Variants in WBP1L observed in about 807,000 individuals in gnomAD.
WBP1L encodes WW domain binding protein 1 like, also known as WW domain binding protein 1-like.
WBP1L carries 17 observed loss-of-function variants against 33.7 expected under a neutral mutation model. The observed-to-expected ratio is 0.50, with a 90% CI of 0.34 to 0.76. The LOEUF is 0.76. Ranked by LOEUF, WBP1L falls within the 30% of genes least tolerant of loss-of-function variation. WBP1L has a pLI of 0.01. For synonymous variants in WBP1L, 173 were observed against 190.8 expected, an observed-to-expected ratio of 0.91 and a Z score of 0.77; for missense variants, 389 against 469.4, an observed-to-expected ratio of 0.83 and a Z score of 1.58.
chr10:102,747,678 C>T (rs1178670754), intron 1 of WBP1L, among the ~76,000 whole-genome samples: 1 of 151,948 alleles, frequency 6.6e-6, no homozygotes, highest in African/African-American at 2.4e-5. Context: ...AGGTGCATGC[C>T]ACCACGCCCT....
At chr10:102,784,341 C>T (rs1294036345) in intron 1 of WBP1L, among the ~76,000 whole-genome samples, 3 of 152,002 alleles carry the variant, frequency 2.0e-5, no homozygotes, top group African/African-American at 7.2e-5. Flanking sequence ...AACACCCCCA[C>T]TCCCCCAAGG....
intron 1 of WBP1L, among the ~76,000 whole-genome samples, chr10:102,784,560 G>A (rs1225928459): frequency 6.6e-6 from 1 of 151,462 alleles, no homozygotes; most frequent in Non-Finnish European, 1.5e-5. Flanking sequence ...CAAGTAGCTG[G>A]GACTACAGGC....
intron 1 of WBP1L, among the ~76,000 whole-genome samples, chr10:102,751,810 G>T (rs1785510680): frequency 6.6e-6 from 1 of 152,126 alleles, no homozygotes; most frequent in Admixed American, 6.6e-5. Flanking sequence ...ACCTCTTTGT[G>T]CCTCAGCTTC....
chr10:102,746,599 T>G (rs1017651237), intron 1 of WBP1L, among the ~76,000 whole-genome samples: 1 of 65,428 alleles, frequency 1.5e-5, no homozygotes, highest in Non-Finnish European at 3.4e-5. Context: ...TGTATTTTTT[T>G]GGGTTTTTTT....
chr10:102,756,139 G>A lies in WBP1L; in HGVS notation c.90+11996G>A, dbSNP rs966008139. 4.4e-4 allele frequency among the ~76,000 whole-genome samples: 67 copies of A among 151,844 alleles called. 1 individual carries two copies. The highest frequency in any genetic ancestry group is 4.0e-3 in the Admixed American group (61 of 15,210). On this transcript the variant is annotated intron_variant, in intron 1 of 3. Coordinates refer to ENST00000448841, the MANE Select transcript of WBP1L (RefSeq NM_001083913.2). ...TTTAAAAACAAAAATGTGGCCGTGC[G>A]TGGTGGCTCATGCCTGTAATCCCAG...
intron 1 of WBP1L, among the ~76,000 whole-genome samples, chr10:102,791,626 C>T (rs899167350): frequency 6.6e-6 from 1 of 152,170 alleles, no homozygotes; most frequent in Non-Finnish European, 1.5e-5. Flanking sequence ...TGAGGAGACC[C>T]TGTCTCTATT....
chr10:102,812,257 G>T (rs1843852251), intron 3 of WBP1L, among the ~76,000 whole-genome samples: 1 of 152,238 alleles, frequency 6.6e-6, no homozygotes, highest in Non-Finnish European at 1.5e-5. Context: ...GCATGTGGAA[G>T]TGGGTCCATT....
intron 1 of WBP1L, among the ~76,000 whole-genome samples, chr10:102,791,012 T>TACTG (rs1843489534): frequency 6.6e-6 from 1 of 152,214 alleles, no homozygotes; most frequent in East Asian, 1.9e-4. Flanking sequence ...TTAGAGGAGA[T>TACTG]ACTGTTTTCC....
chr10:102,761,121 GTTTT>G (rs111654669), intron 1 of WBP1L, among the ~76,000 whole-genome samples: 90 of 134,110 alleles, frequency 6.7e-4, no homozygotes, highest in African/African-American at 2.1e-3. Flanking sequence ...TGGCCAGGCT[GTTTT>G]TTTTTTTTTT....
intron 1 of WBP1L, among the ~76,000 whole-genome samples, chr10:102,748,674 A>G (rs147890322): frequency 1.7e-3 from 257 of 152,292 alleles, no homozygotes; most frequent in Admixed American, 6.1e-3. Context: ...GGAACCATCA[A>G]ATGAGTATGG....
At chr10:102,773,751 T>TGTGGTGGC (rs1414634378) in intron 1 of WBP1L, among the ~76,000 whole-genome samples, 1 of 150,724 alleles carries the variant, frequency 6.6e-6, no homozygotes, top group Admixed American at 6.6e-5. Context: ...CTTAGCTGAG[T>TGTGGTGGC]GTGGTGGCGT....
chr10:102,793,430 G>A (rs1843530948), intron 1 of WBP1L, among the ~76,000 whole-genome samples: 1 of 152,224 alleles, frequency 6.6e-6, no homozygotes, highest in South Asian at 2.1e-4. Flanking sequence ...GGACAACAGA[G>A]CAAGACCTTG....
chr10:102,749,776 A>T (rs1842907482), intron 1 of WBP1L, among the ~76,000 whole-genome samples: 1 of 150,202 alleles, frequency 6.7e-6, no homozygotes, highest in African/African-American at 2.5e-5. Context: ...ATATTTATTT[A>T]TTTATTTATT....
chr10:102,751,908 A>G (rs188654918), intron 1 of WBP1L, among the ~76,000 whole-genome samples: 56 of 152,370 alleles, frequency 3.7e-4, no homozygotes, highest in African/African-American at 1.3e-3. Flanking sequence ...AATATATTCA[A>G]TGATTAATAA....
intron 1 of WBP1L, among the ~76,000 whole-genome samples, chr10:102,789,309 A>G (rs1018696): frequency 0.52 from 78,757 of 151,992 alleles, 21,440 homozygotes; most frequent in Middle Eastern, 0.63. Context: ...ATCTGACCTC[A>G]GCTGAATTCT....
intron 1 of WBP1L, chr10:102,746,043 C>T (rs1842860777): frequency 3.4e-6 from 2 of 596,072 alleles, no homozygotes; most frequent in Non-Finnish European, 4.2e-6. Context: ...TAAATAACAT[C>T]GGTAGAGGTT....
At chr10:102,804,274 G>A (rs1009815382) in intron 2 of WBP1L, among the ~76,000 whole-genome samples, 5 of 150,844 alleles carry the variant, frequency 3.3e-5, no homozygotes, top group South Asian at 2.1e-4. Flanking sequence ...TGTAGTTCCA[G>A]CTACTTGGGA....
At chr10:102,796,003 A>G (rs1843568544) in intron 1 of WBP1L, among the ~76,000 whole-genome samples, 1 of 152,160 alleles carries the variant, frequency 6.6e-6, no homozygotes, top group Non-Finnish European at 1.5e-5. Context: ...GGGACAAGAT[A>G]TTTAGATGGT....
At chr10:102,772,188 G>A (rs971284917) in intron 1 of WBP1L, among the ~76,000 whole-genome samples, 2 of 149,936 alleles carry the variant, frequency 1.3e-5, no homozygotes, top group South Asian at 2.1e-4. Flanking sequence ...TTGATCTCCC[G>A]ACTTCGTGAT....
Sources: allele counts gnomAD v4.1 joint callset (sites outside exome capture counted in the v4.1 genomes callset), GRCh38; gene constraint gnomAD v4.1.1; transcripts MANE v1.5; gene names NCBI Gene and HGNC (gene_info 2026-07-23, HGNC 2026-07-21).